CASP10: variants seen among roughly 807,000 people sequenced by gnomAD.
CASP10 encodes the protein caspase-10.
A neutral mutation model predicts 48.5 loss-of-function variants in CASP10; 41 were observed. That is an observed-to-expected ratio of 0.85 (90% CI 0.66 to 1.10). The LOEUF is 1.10. Ranked by LOEUF, CASP10 falls within the 50% of genes least tolerant of loss-of-function variation. The pLI is 0.00. For synonymous variants in CASP10, 232 were observed against 238.4 expected (o/e 0.97, Z 0.25); for missense variants, 614 against 614.5 (o/e 1.00, Z 0.01).
intron 3 of CASP10, among the ~76,000 whole-genome samples, chr2:201,188,229 G>A (rs1013286581): frequency 1.3e-5 from 2 of 152,072 alleles, no homozygotes; most frequent in Admixed American, 6.6e-5. Flanking sequence ...GCCCAGGCTG[G>A]AGTGCAGTGG....
chr2:201,189,241 T>C (rs1258093758), intron 3 of CASP10, among the ~76,000 whole-genome samples: 1 of 151,058 alleles, frequency 6.6e-6, no homozygotes, highest in Admixed American at 6.7e-5. Flanking sequence ...ACAGCTTATA[T>C]GTGAATCCTT....
At chr2:201,199,569 C>CTTTTT (rs761866954) in intron 5 of CASP10, among the ~76,000 whole-genome samples, 8 of 122,516 alleles carry the variant, frequency 6.5e-5, no homozygotes, top group Non-Finnish European at 1.0e-4. Flanking sequence ...CTCCTTTAAT[C>CTTTTT]TTTTTTTTTT....
At chr2:201,209,628 A>T in intron 9 of CASP10, 66 bp downstream of exon 9, 2 of 1,488,644 alleles carry the variant, frequency 1.3e-6, no homozygotes, top group Non-Finnish European at 1.8e-6. Flanking sequence ...TTTTACTCTC[A>T]TTCAACACCT....
At chr2:201,227,802 G>C (rs1042450635) in intron 9 of CASP10, among the ~76,000 whole-genome samples, 3 of 150,346 alleles carry the variant, frequency 2.0e-5, no homozygotes, top group Non-Finnish European at 4.4e-5. Flanking sequence ...CTTGTGATCC[G>C]CCCGTCTCGG....
At chr2:201,214,015 A>G (rs1024074956) in intron 9 of CASP10, 1 of 152,160 alleles carries the variant, frequency 6.6e-6, no homozygotes, top group African/African-American at 2.4e-5. Context: ...GGCTTTGGGA[A>G]GTCATAGGTG....
At position 201,218,316 on chromosome 2, in the gene CASP10, T is replaced by G. The variant is rs1945637102; in HGVS notation, c.*575T>G. The G allele has an allele frequency of 7.0e-6, 7 of 994,296 alleles. No homozygotes were observed. In the South Asian group the frequency reaches 3.1e-4, roughly 44 times the overall value. 61.6% of individuals were successfully genotyped at this position (994,296 alleles called of 1,614,324 possible). ...TTGGCTTTGGTTTGTGCAGGTACTT[T>G]TTCTTTGAGACAGAGTCACTCCGTC... On this transcript the variant is annotated 3_prime_UTR_variant, in exon 10 of 10. Coordinates refer to ENST00000286186, the MANE Select transcript of CASP10 (RefSeq NM_032977.4).
At position 201,209,267 on chromosome 2, in the gene CASP10, A is replaced by G. The variant is rs1945317129; in HGVS notation, c.1120A>G (p.Ile374Val). Residue 374 changes from isoleucine to valine, a missense_variant, in exon 9 of 10, where the codon ATT becomes GTT. By Grantham distance (29) the Ile-to-Val change is conservative. Coordinates refer to ENST00000286186, the MANE Select transcript of CASP10 (RefSeq NM_032977.4). ...VYSSDEALIP[I>V]REIMSHFTAL... ...CTCTTCGGATGAGGCCCTCATTCCCATTCGGGAGATCATGTCTCACTTCAC... is the reference window on the plus strand; with the variant it reads ...CTCTTCGGATGAGGCCCTCATTCCCGTTCGGGAGATCATGTCTCACTTCAC... 1 of 1,614,168 alleles carries G rather than the reference A, an allele frequency of 6.2e-7. No individual in the cohort carries two copies. Among genetic ancestry groups the G allele is most frequent in the Non-Finnish European group, 8.5e-7 (1 of 1,180,030 alleles).
In CASP10 at chr2:201,209,407, G is replaced by T; in HGVS notation, c.1260G>T (p.Glu420Asp). 6.2e-7 allele frequency: 1 copy of T among 1,614,148 alleles called. No individual in the cohort carries two copies. The highest frequency in any genetic ancestry group is 8.5e-7 in the Non-Finnish European group (1 of 1,180,040). ...VSIEADALNPEQAPTSLQDSI... is the reference protein window; with the variant it reads ...VSIEADALNPDQAPTSLQDSI... ...TCGAAGCAGATGCTCTGAACCCTGA[G>T]CAGGCACCCACTTCCCTGCAGGACA... is the stretch of plus-strand genomic sequence containing the variant. The change falls in exon 9 of 10, where the codon GAG (glutamate) becomes GAT (aspartate). Residue 420 changes from glutamate to aspartate, a missense_variant. Physicochemically the swap from Glu to Asp is conservative, Grantham distance 45. Coordinates refer to ENST00000286186, the MANE Select transcript of CASP10 (RefSeq NM_032977.4).
chr2:201,188,341 A>G (rs372471595), intron 3 of CASP10, among the ~76,000 whole-genome samples: 41 of 151,964 alleles, frequency 2.7e-4, no homozygotes, highest in African/African-American at 9.6e-4. Flanking sequence ...CACCATGCCC[A>G]GCTAATTTTT....
Position 201,195,948 on chromosome 2 carries a change from G to T in CASP10, c.684G>T (p.Pro228=), listed in dbSNP as rs368583939. The part of the protein sequence containing the change: ...TDVKTFLEAL[P]QESWQNKHAG... ...TTAAGACATTCTTGGAAGCCTTACC[G>T]GTAGGTTCAGTGGTGTGCTGGTCAA... The change falls in exon 5 of 10, where the codon CCG becomes CCT. Residue 228 remains proline (P), a splice_region_variant and synonymous_variant. Transcript: ENST00000286186. The T allele has an allele frequency of 1.2e-6, 2 of 1,602,872 alleles. No homozygotes were observed. The highest frequency in any genetic ancestry group is 8.5e-7 in the Non-Finnish European group (1 of 1,170,018).
At chr2:201,223,239 C>T (rs1945747192), downstream of CASP10, among the ~76,000 whole-genome samples, 1 of 152,158 alleles carries the variant, frequency 6.6e-6, no homozygotes, top group African/African-American at 2.4e-5. Flanking sequence ...TCTTCAGGTG[C>T]CAGTGGTTAA....
At chr2:201,221,823 C>T (rs1945726920), downstream of CASP10, among the ~76,000 whole-genome samples, 2 of 152,146 alleles carry the variant, frequency 1.3e-5, no homozygotes, top group South Asian at 2.1e-4. Context: ...AATCAGGAAA[C>T]GTTGTTTTTA....
chr2:201,206,210 G>A, intron 7 of CASP10: 1 of 410,552 alleles, frequency 2.4e-6, no homozygotes, highest in Non-Finnish European at 4.5e-6. Flanking sequence ...AGGAAATGCT[G>A]TTACACTTTG....
intron 9 of CASP10, among the ~76,000 whole-genome samples, chr2:201,210,076 T>C (rs538045092): frequency 6.6e-6 from 1 of 152,366 alleles, no homozygotes; most frequent in South Asian, 2.1e-4. Context: ...AAAGATGTGC[T>C]GGGCAGAGGG....
At chr2:201,201,423 C>G (rs751332453) in intron 5 of CASP10, among the ~76,000 whole-genome samples, 3 of 152,104 alleles carry the variant, frequency 2.0e-5, no homozygotes, top group Non-Finnish European at 4.4e-5. Flanking sequence ...TAACTCTTCC[C>G]ACCCACTTTT....
rs757706964 is a variant in CASP10, at chr2:201,205,910, C to T, written c.750C>T (p.Ser250=). 3.3e-5 allele frequency: 54 copies of T among 1,612,474 alleles called. No individual in the cohort carries two copies. Among genetic ancestry groups the T allele is most frequent in the Middle Eastern group, 1.6e-4 (1 of 6,082 alleles). The change falls in exon 7 of 10, where the codon AGC becomes AGT. Residue 250 remains serine (S), a synonymous_variant. Transcript: ENST00000286186. ...ACAGAGCCACAAATGGTGCACCAAG[C>T]CTGGTCTCCAGGGGGATGCAAGGAG... is the stretch of plus-strand genomic sequence containing the variant. The part of the protein sequence containing the change: ...NGNRATNGAP[S]LVSRGMQGAS...
rs540852774 is a variant in CASP10, at chr2:201,220,218, T to A, written c.*2477T>A. The A allele has an allele frequency of 6.9e-6, 6 of 868,456 alleles. No homozygotes were observed. Among genetic ancestry groups the A allele is most frequent in the Non-Finnish European group, 8.3e-6 (6 of 723,284 alleles). The allele number at this position is 868,456 out of a possible 1,614,324, so 53.8% of individuals were successfully genotyped here. A position where few individuals can be genotyped will look rare whatever the true frequency, so the allele number is the denominator to read the frequency against. On this transcript the variant is annotated 3_prime_UTR_variant, in exon 10 of 10. Coordinates refer to ENST00000286186, the MANE Select transcript of CASP10 (RefSeq NM_032977.4). ...AAACACCGCCACTTTAAGTTCCAGT[T>A]CCCTTTCTAGCCTCATGCATTTCAA...
In CASP10 at chr2:201,219,300, T is replaced by G; in HGVS notation, c.*1559T>G. ...AAAATTCAATATTGGGGTTGGAACA[T>G]TTCAGTTGCCATTGACAGAACACCC... is the stretch of plus-strand genomic sequence containing the variant. On this transcript the variant is annotated 3_prime_UTR_variant, in exon 10 of 10. Coordinates refer to ENST00000286186, the MANE Select transcript of CASP10 (RefSeq NM_032977.4). The G allele has an allele frequency of 1.1e-5, 4 of 366,696 alleles. No individual in the cohort carries two copies. The highest frequency in any genetic ancestry group is 1.5e-5 in the Non-Finnish European group (4 of 264,718). 22.7% of individuals were successfully genotyped at this position (366,696 alleles called of 1,614,324 possible).
intron 1 of CASP10, among the ~76,000 whole-genome samples, chr2:201,183,856 CTTTATTTA>C (rs71022352): frequency 0.074 from 10,987 of 149,402 alleles, 1,260 homozygotes; most frequent in African/African-American, 0.25. Flanking sequence ...GTCTTCCTTC[CTTTATTTA>C]TTTATTTATT....
Sources: allele counts gnomAD v4.1 joint callset (sites outside exome capture counted in the v4.1 genomes callset), GRCh38; gene constraint gnomAD v4.1.1; transcripts MANE v1.5; gene names NCBI Gene and HGNC (gene_info 2026-07-23, HGNC 2026-07-21).